AGAP1: variants seen among roughly 807,000 people sequenced by gnomAD.
The protein encoded by AGAP1 is ArfGAP with GTPase domain, ankyrin repeat and PH domain 1.
In AGAP1, 29 loss-of-function variants were observed where a neutral mutation model predicts 105.3. The ratio of observed to expected loss-of-function variants is 0.28; its 90% confidence interval spans 0.21 to 0.38. AGAP1 has a LOEUF of 0.38. Among genes scored for constraint, AGAP1 ranks in the 10% least tolerant of loss-of-function variants. The pLI, the probability that AGAP1 is intolerant of heterozygous loss-of-function variation, is 1.00. For missense variants in AGAP1, 998 were observed against 1,165.1 expected, an observed-to-expected ratio of 0.86 and a Z score of 2.09; for synonymous variants, 509 against 485.9, an observed-to-expected ratio of 1.05 and a Z score of -0.63.
At chr2:236,032,159 A>G (rs56388710) in intron 13 of AGAP1, among the ~76,000 whole-genome samples, 34,603 of 151,990 alleles carry the variant, frequency 0.23, 4,457 homozygotes, top group African/African-American at 0.35. Context: ...ATCCCCCAAA[A>G]CTCTTTGCTT....
intron 1 of AGAP1, among the ~76,000 whole-genome samples, chr2:235,638,166 A>C (rs1016098967): frequency 6.6e-6 from 1 of 152,226 alleles, no homozygotes. Context: ...TCAGGAGAGC[A>C]AGACTCTAGT....
At chr2:235,917,832 C>T (rs1222213816) in intron 11 of AGAP1, among the ~76,000 whole-genome samples, 1 of 152,174 alleles carries the variant, frequency 6.6e-6, no homozygotes, top group Admixed American at 6.5e-5. Flanking sequence ...CTTAAGGATA[C>T]ATTATCCCCG....
At chr2:235,757,728 C>T (rs1050143024) in intron 6 of AGAP1, among the ~76,000 whole-genome samples, 2 of 152,114 alleles carry the variant, frequency 1.3e-5, no homozygotes, top group Admixed American at 6.5e-5. Context: ...CAGGGAGCCT[C>T]GGTGTGCTCT....
intron 1 of AGAP1, among the ~76,000 whole-genome samples, chr2:235,706,740 A>T (rs1023625194): frequency 2.0e-5 from 3 of 152,154 alleles, no homozygotes; most frequent in African/African-American, 7.2e-5. Context: ...GGTTTGTTAC[A>T]GTGCAGCAAC....
chr2:235,827,463 G>T (rs1290804242), intron 9 of AGAP1, among the ~76,000 whole-genome samples: 1 of 152,148 alleles, frequency 6.6e-6, no homozygotes, highest in African/African-American at 2.4e-5. Flanking sequence ...GCACTTTAAT[G>T]ACTATTTCTA....
rs527756219 is a variant in AGAP1, at chr2:235,692,628, G to T, written c.164-16551G>T. On this transcript the variant is annotated intron_variant, in intron 1 of 17. Transcript: ENST00000304032. This position sits in a 1 kb window ranked among gnomAD's most constrained non-coding sequence, Gnocchi z 5.8. ...CTGACTCAGCCTCAGTGCCTAGCCAGTGGGTTCCCCTCGCTGACCCTCAGC... is the reference window on the plus strand; with the variant it reads ...CTGACTCAGCCTCAGTGCCTAGCCATTGGGTTCCCCTCGCTGACCCTCAGC... Among the ~76,000 whole-genome samples the T allele has an allele frequency of 1.3e-5, 2 of 151,962 alleles. 1 individual carries two copies. Among genetic ancestry groups the T allele is most frequent in the South Asian group, 4.2e-4 (2 of 4,802 alleles).
At chr2:235,825,884 A>G (rs533061045) in intron 9 of AGAP1, among the ~76,000 whole-genome samples, 1 of 152,210 alleles carries the variant, frequency 6.6e-6, no homozygotes, top group African/African-American at 2.4e-5. Context: ...TTGTAACCCA[A>G]TGGATAAATG....
In AGAP1 at chr2:235,642,537, T is replaced by C. The variant is rs1290498323; in HGVS notation, c.164-66642T>C. Among the ~76,000 whole-genome samples, 2 of 152,140 alleles carry C rather than the reference T, an allele frequency of 1.3e-5. No homozygotes were observed. Among genetic ancestry groups the C allele is most frequent in the Non-Finnish European group, 2.9e-5 (2 of 68,036 alleles). On this transcript the variant is annotated intron_variant, in intron 1 of 17. Coordinates refer to ENST00000304032, the MANE Select transcript of AGAP1 (RefSeq NM_001037131.3). The surrounding 1 kb of genome is among the most constrained non-coding windows in gnomAD (Gnocchi z 4.1). Reference sequence around the variant, plus strand: ...CATGCCTGGACTTGTCTTCTCCACCTTCCACTTGTCCTAACAGCTGTCGGG... The same window carrying C: ...CATGCCTGGACTTGTCTTCTCCACCCTCCACTTGTCCTAACAGCTGTCGGG...
At chr2:235,666,896 A>C (rs369322743) in intron 1 of AGAP1, among the ~76,000 whole-genome samples, 2 of 152,054 alleles carry the variant, frequency 1.3e-5, no homozygotes, top group East Asian at 3.9e-4. Flanking sequence ...CCCTGGTCTC[A>C]AACAGTGAGA....
At chr2:235,851,589 C>T (rs2048459889) in intron 9 of AGAP1, among the ~76,000 whole-genome samples, 1 of 152,138 alleles carries the variant, frequency 6.6e-6, no homozygotes, top group South Asian at 2.1e-4. Context: ...TGTTTGCAGC[C>T]GGCGAGCGCC....
rs3207206 is a variant in AGAP1, at chr2:235,968,562, G to T, written c.1584G>T (p.Lys528Asn). Residue 528 changes from lysine to asparagine, a missense_variant, in exon 13 of 18, where the codon AAG becomes AAT. Coordinates refer to ENST00000304032, the MANE Select transcript of AGAP1 (RefSeq NM_001037131.3). ...CCTCCCCTCACGCCAACAGAAAGAA[G>T]CACCGAAGGAAGAAAAGCACTAGCA... ...PPPSPHANRK[K>N]HRRKKSTSNF... 1 of 1,572,690 alleles carries T rather than the reference G, an allele frequency of 6.4e-7. No individual in the cohort carries two copies. Among genetic ancestry groups the T allele is most frequent in the Non-Finnish European group, 8.6e-7 (1 of 1,165,560 alleles).
At position 235,711,410 on chromosome 2, in the gene AGAP1, C is replaced by T. The variant is rs543695640; in HGVS notation, c.222+2173C>T. Among the ~76,000 whole-genome samples, 11 of 152,342 alleles carry T rather than the reference C, an allele frequency of 7.2e-5. No homozygotes were observed. In the South Asian group the frequency reaches 2.3e-3, roughly 32 times the overall value. On this transcript the variant is annotated intron_variant, in intron 2 of 17. Coordinates refer to ENST00000304032, the MANE Select transcript of AGAP1 (RefSeq NM_001037131.3). The stretch of plus-strand genomic sequence containing the variant: ...GGATGCTTACCACCAAAAACTTGTG[C>T]TCTGCCGGTATTTTGAAAGCATATG...
chr2:235,560,783 A>G (rs995278170), intron 1 of AGAP1, among the ~76,000 whole-genome samples: 5 of 152,190 alleles, frequency 3.3e-5, no homozygotes, highest in African/African-American at 1.2e-4. Flanking sequence ...ACTGTCAGAC[A>G]GTGAAATCAC....
At position 235,720,286 on chromosome 2, in the gene AGAP1, GAGAAGCTTTAGGTAT is replaced by G. The variant is rs373146074; in HGVS notation, c.310+2646_310+2660del. 8.4e-4 allele frequency among the ~76,000 whole-genome samples: 128 copies of G among 152,284 alleles called. 3 individuals carry two copies. In the East Asian group the frequency reaches 0.02, roughly 24 times the overall value. On this transcript the variant is annotated intron_variant, in intron 3 of 17. Transcript: ENST00000304032. This position sits in a 1 kb window ranked among gnomAD's most constrained non-coding sequence, Gnocchi z 5.0. ...TCAATTACCCATGCTTTGCTTAATT[GAGAAGCTTTAGGTAT>G]AGAGTGTTGTGGGTTTGGGATATAA...
In AGAP1 at chr2:235,958,723, T is replaced by C. The variant is rs1436964799; in HGVS notation, c.1484-9739T>C. Among the ~76,000 whole-genome samples, 1 of 152,204 alleles carries C rather than the reference T, an allele frequency of 6.6e-6. No individual in the cohort carries two copies. The highest frequency in any genetic ancestry group is 2.4e-5 in the African/African-American group (1 of 41,444). On this transcript the variant is annotated intron_variant, in intron 12 of 17. Transcript: ENST00000304032. This position sits in a 1 kb window ranked among gnomAD's most constrained non-coding sequence, Gnocchi z 4.1. ...TTGTAAAATAAGTTATGAGTGTCCT[T>C]GGGCCTGTCTGCCGGAATGATAGCT...
At chr2:235,892,767 A>G (rs1400718952) in intron 10 of AGAP1, among the ~76,000 whole-genome samples, 1 of 152,174 alleles carries the variant, frequency 6.6e-6, no homozygotes, top group African/African-American at 2.4e-5. Flanking sequence ...GATGGACCTC[A>G]GACTTCTTGA....
Position 236,040,978 on chromosome 2 carries a change from A to G in AGAP1, c.1891+137A>G. The G allele has an allele frequency of 1.2e-6, 1 of 830,396 alleles. No individual in the cohort carries two copies. 51.4% of individuals were successfully genotyped at this position (830,396 alleles called of 1,614,324 possible). On this transcript the variant is annotated intron_variant, in intron 15 of 17. Coordinates refer to ENST00000304032, the MANE Select transcript of AGAP1 (RefSeq NM_001037131.3). The surrounding 1 kb of genome is among the most constrained non-coding windows in gnomAD (Gnocchi z 5.6). ...TTAACTGCTTTTAGGAAATTGAGAT[A>G]TTTTGTTTGGATTTTACCTTAACAG...
At chr2:235,816,011 A>C (rs1228029575) in intron 9 of AGAP1, among the ~76,000 whole-genome samples, 2 of 152,160 alleles carry the variant, frequency 1.3e-5, no homozygotes, top group Non-Finnish European at 2.9e-5. Flanking sequence ...GTTCAGGAAG[A>C]GCCTGTGGAT....
rs772030359 is a variant in AGAP1 at position 235,906,624 on chromosome 2, C to G, written c.1156-2114C>G. Among the ~76,000 whole-genome samples the G allele has an allele frequency of 1.3e-5, 2 of 152,166 alleles. No individual in the cohort carries two copies. Among genetic ancestry groups the G allele is most frequent in the African/African-American group, 2.4e-5 (1 of 41,448 alleles). On this transcript the variant is annotated intron_variant, in intron 10 of 17. Transcript: ENST00000304032. The surrounding 1 kb of genome is among the most constrained non-coding windows in gnomAD (Gnocchi z 5.3). ...AGTCTGGTTTGACTCCATGTGGCAG[C>G]CTGTAAGTCATGTTGGTTGCGGGAA...
Sources: gnomAD v4.1 joint callset for allele counts (sites outside exome capture counted in the v4.1 genomes callset) on GRCh38, gnomAD v4.1.1 for gene constraint, Gnocchi (gnomAD v3.1) non-coding constraint, MANE v1.5 for transcripts, NCBI Gene and HGNC (gene_info 2026-07-23, HGNC 2026-07-21) for gene names.